The following CFAP43 variants were observed in gnomAD, a reference collection of about 807,000 sequenced individuals.
CFAP43 encodes cilia and flagella associated protein 43, also known as cilia- and flagella-associated protein 43.
CFAP43 carries 155 observed loss-of-function variants against 218.9 expected under a neutral mutation model. That is an observed-to-expected ratio of 0.71 (90% CI 0.62 to 0.81). The LOEUF (loss-of-function observed/expected upper bound fraction) is 0.81, where lower values mean the gene tolerates loss of function less well. CFAP43 is among the 30% of genes least tolerant of loss of function. The pLI is 0.00. For missense variants in CFAP43, 1,778 were observed against 1,954.3 expected (o/e 0.91, Z 1.70); for synonymous variants, 645 against 681.3 (o/e 0.95, Z 0.83).
rs1320021671 is a variant in CFAP43 at position 104,166,663 on chromosome 10, T to C, written c.2864A>G (p.His955Arg). The C allele has an allele frequency of 1.2e-6, 2 of 1,613,996 alleles. No homozygotes were observed. The highest frequency in any genetic ancestry group is 2.7e-5 in the African/African-American group (2 of 74,940). The change falls in exon 23 of 38, where the codon CAT becomes CGT. Residue 955 changes from histidine to arginine, a missense_variant. Physicochemically the swap from His to Arg is conservative, Grantham distance 29 (BLOSUM62 0). Coordinates refer to ENST00000357060, the MANE Select transcript of CFAP43 (RefSeq NM_025145.7). ...TTCCTCTTCTTCATCATCCTCTTCA[T>C]GACGCTGTTTAATCAACTTAACTCC... ...QSGVKLIKQR[H>R]EEDDEEEEEE...
intron 19 of CFAP43, among the ~76,000 whole-genome samples, chr10:104,174,100 T>A (rs899204699): frequency 1.3e-5 from 2 of 152,048 alleles, no homozygotes; most frequent in East Asian, 3.8e-4. Flanking sequence ...TCTAAGACAA[T>A]CAAGTGACAA....
chr10:104,196,255 A>T (rs1384148450), intron 10 of CFAP43, among the ~76,000 whole-genome samples: 2 of 152,218 alleles, frequency 1.3e-5, no homozygotes, highest in Admixed American at 1.3e-4. Context: ...CAAGTTCTGT[A>T]CTTTATAGTT....
intron 4 of CFAP43, 45 bp downstream of exon 4, chr10:104,214,214 A>T (rs1466889023): frequency 6.6e-7 from 1 of 1,515,378 alleles, no homozygotes; most frequent in Non-Finnish European, 8.8e-7. Flanking sequence ...ACACGAATGC[A>T]AACAAAGACC....
At chr10:104,142,521 T>A in intron 32 of CFAP43, 128 bp from the exon 33 acceptor site, 1 of 563,044 alleles carries the variant, frequency 1.8e-6, no homozygotes, top group Non-Finnish European at 3.0e-6. Context: ...ATAAAACATT[T>A]AAATTTAAAT....
intron 3 of CFAP43, among the ~76,000 whole-genome samples, chr10:104,220,483 A>G (rs1291062740): frequency 6.6e-6 from 1 of 152,152 alleles, no homozygotes; most frequent in African/African-American, 2.4e-5. Flanking sequence ...CCTTAGATCA[A>G]TGAAAGCTAT....
rs188338394 is a variant in CFAP43, at chr10:104,159,079, G to A, written c.3540+1958C>T. On this transcript the variant is annotated intron_variant, in intron 27 of 37. Coordinates refer to ENST00000357060, the MANE Select transcript of CFAP43 (RefSeq NM_025145.7). ...GGTATAAAATGAATTAAGATTGGCC[G>A]TGAGTAGATAATTGCGGAAGCTGGA... Among the ~76,000 whole-genome samples the A allele has an allele frequency of 1.9e-3, 295 of 152,196 alleles. 1 individual carries two copies. The highest frequency in any genetic ancestry group is 2.9e-3 in the Non-Finnish European group (200 of 68,000).
intron 4 of CFAP43, 90 bp from the exon 5 acceptor site, chr10:104,212,247 G>A: frequency 6.9e-6 from 9 of 1,297,268 alleles, no homozygotes; most frequent in South Asian, 3.8e-5. Flanking sequence ...GAGGTGGGGA[G>A]GTATTATAAC....
Position 104,166,677 on chromosome 10 carries a change from C to A in CFAP43, c.2850G>T (p.Leu950Phe). The change falls in exon 23 of 38, where the codon TTG becomes TTT. Residue 950 changes from leucine (L) to phenylalanine (F), a missense_variant. Around this residue, in one of 3 missense-constraint regions of CFAP43, gnomAD observed 1,553 missense variants for 1,685.2 expected, o/e 0.92. Transcript: ENST00000357060. ...CATCCTCTTCATGACGCTGTTTAAT[C>A]AACTTAACTCCAGACTGAGCCTCTA... Reference protein sequence around the residue: ...EIVEAQSGVKLIKQRHEEDDE... With the variant: ...EIVEAQSGVKFIKQRHEEDDE... 6.2e-7 allele frequency: 1 copy of A among 1,613,894 alleles called. No individual in the cohort carries two copies. The highest frequency in any genetic ancestry group is 8.5e-7 in the Non-Finnish European group (1 of 1,179,946).
chr10:104,172,637 G>T, intron 19 of CFAP43, 102 bp from the exon 20 acceptor site: 1 of 1,005,828 alleles, frequency 9.9e-7, no homozygotes, highest in Non-Finnish European at 1.4e-6. Context: ...AAAAATAGAT[G>T]TTCTATTTAT....
intron 10 of CFAP43, among the ~76,000 whole-genome samples, 188 bp downstream of exon 10, chr10:104,196,665 G>A (rs1364909046): frequency 1.3e-5 from 2 of 152,196 alleles, no homozygotes; most frequent in East Asian, 3.8e-4. Context: ...AATATTGTAT[G>A]CTATGGTTCC....
At chr10:104,160,183 G>A (rs1237214754) in intron 27 of CFAP43, among the ~76,000 whole-genome samples, 1 of 152,218 alleles carries the variant, frequency 6.6e-6, no homozygotes, top group Non-Finnish European at 1.5e-5. Flanking sequence ...TGGAGTAAAT[G>A]TAGTTGATAG....
intron 20 of CFAP43, among the ~76,000 whole-genome samples, chr10:104,170,150 T>C (rs2089347474): frequency 6.6e-6 from 1 of 151,922 alleles, no homozygotes; most frequent in Non-Finnish European, 1.5e-5. Flanking sequence ...CCTGGGCCAC[T>C]GTTGTACCTA....
chr10:104,225,365 T>C, intron 3 of CFAP43, 96 bp downstream of exon 3: 1 of 983,350 alleles, frequency 1.0e-6, no homozygotes, highest in Non-Finnish European at 1.5e-6. Flanking sequence ...TTTCCTTGTT[T>C]CAGATTTTTC....
chr10:104,150,538 C>A (rs1011689836), intron 28 of CFAP43, among the ~76,000 whole-genome samples: 1 of 152,112 alleles, frequency 6.6e-6, no homozygotes, highest in Non-Finnish European at 1.5e-5. Context: ...TTAAATGTAA[C>A]CTTTTCAGTG....
chr10:104,149,052 C>T (rs1227277455), intron 28 of CFAP43, among the ~76,000 whole-genome samples: 6 of 152,084 alleles, frequency 3.9e-5, no homozygotes, highest in Non-Finnish European at 8.8e-5. Flanking sequence ...TTCTTTTCCT[C>T]ATAATTTATT....
At chr10:104,172,767 C>T (rs911109896) in intron 19 of CFAP43, among the ~76,000 whole-genome samples, 3 of 152,076 alleles carry the variant, frequency 2.0e-5, no homozygotes, top group Admixed American at 1.3e-4. Flanking sequence ...TATATAAGCT[C>T]ATCATTTCAT....
chr10:104,202,487 C>G (rs1397279861), intron 8 of CFAP43, among the ~76,000 whole-genome samples: 1 of 152,188 alleles, frequency 6.6e-6, no homozygotes, highest in African/African-American at 2.4e-5. Flanking sequence ...CCACTTTCTC[C>G]TCTCTGGACT....
At chr10:104,191,281 T>C (rs2090202497) in intron 12 of CFAP43, among the ~76,000 whole-genome samples, 1 of 152,078 alleles carries the variant, frequency 6.6e-6, no homozygotes, top group Non-Finnish European at 1.5e-5. Context: ...CCTTCCTCTT[T>C]CAGACTTCAT....
intron 37 of CFAP43, 119 bp from the exon 38 acceptor site, chr10:104,130,424 A>G: frequency 8.6e-7 from 1 of 1,164,944 alleles, no homozygotes; most frequent in South Asian, 1.4e-5. Flanking sequence ...ATGCACTTGT[A>G]TGTTTACAGC....
Sources: allele counts gnomAD v4.1 joint callset (sites outside exome capture counted in the v4.1 genomes callset), GRCh38; gene constraint gnomAD v4.1.1; regional missense constraint gnomAD v4.1.1; transcripts MANE v1.5; gene names NCBI Gene and HGNC (gene_info 2026-07-23, HGNC 2026-07-21).